CADPS: variants seen among roughly 807,000 people sequenced by gnomAD.
CADPS encodes calcium dependent secretion activator.
CADPS carries 57 observed loss-of-function variants against 167.3 expected under a neutral mutation model. The observed-to-expected ratio is 0.34, with a 90% CI of 0.28 to 0.42. CADPS has a LOEUF of 0.42. Among genes scored for constraint, CADPS ranks in the 20% least tolerant of loss-of-function variants. CADPS has a pLI of 1.00. For missense variants in CADPS, 1,414 were observed against 1,738.1 expected, an observed-to-expected ratio of 0.81 and a Z score of 3.32; for synonymous variants, 676 against 635.3, an observed-to-expected ratio of 1.06 and a Z score of -0.96.
At chr3:62,453,671 G>C (rs927244692) in intron 26 of CADPS, among the ~76,000 whole-genome samples, 2 of 152,254 alleles carry the variant, frequency 1.3e-5, no homozygotes, top group African/African-American at 4.8e-5. Context: ...GCAAACCTCA[G>C]TGGCTTCTGC....
chr3:62,701,072 A>G (rs1030070690), intron 3 of CADPS, among the ~76,000 whole-genome samples: 1 of 152,066 alleles, frequency 6.6e-6, no homozygotes, highest in Non-Finnish European at 1.5e-5. Context: ...TGAGGGCTCT[A>G]TTCTTATGAC....
In CADPS at chr3:62,862,840, T is replaced by C. The variant is rs370000189; in HGVS notation, c.441+11749A>G. Among the ~76,000 whole-genome samples, 15 of 152,360 alleles carry C rather than the reference T, an allele frequency of 9.8e-5. No homozygotes were observed. The South Asian group carries it at 1.0e-3, about 11-fold the overall frequency. On this transcript the variant is annotated intron_variant, in intron 1 of 29. Transcript: ENST00000383710. ...ACAGTGCAATGGGAGGAAGCCCTAG[T>C]TGCAGTTAAGTGGCCCAGGTTGGTG... is the stretch of plus-strand genomic sequence containing the variant.
intron 28 of CADPS, among the ~76,000 whole-genome samples, chr3:62,435,844 T>C (rs1385630200): frequency 1.3e-5 from 2 of 152,154 alleles, no homozygotes; most frequent in African/African-American, 4.8e-5. Context: ...TATTTTATGC[T>C]GGTCAGTGGA....
In CADPS at chr3:62,815,222, A is replaced by G. The variant is rs116467647; in HGVS notation, c.442-49238T>C. On this transcript the variant is annotated intron_variant, in intron 1 of 29. Coordinates refer to ENST00000383710, the MANE Select transcript of CADPS (RefSeq NM_003716.4). ...GGAAACAACCAAAATGCCCATCAGC[A>G]GTAGAATGGGTGAAATATTGTGTGA... Among the ~76,000 whole-genome samples, 876 of 152,228 alleles carry G rather than the reference A, an allele frequency of 5.8e-3. 11 individuals are homozygous for G. The highest frequency in any genetic ancestry group is 0.017 in the African/African-American group (700 of 41,546).
chr3:62,611,147 C>T (rs2061449884), intron 6 of CADPS, among the ~76,000 whole-genome samples: 1 of 152,122 alleles, frequency 6.6e-6, no homozygotes, highest in Non-Finnish European at 1.5e-5. Flanking sequence ...CCACATAACA[C>T]TCGGCTTCTG....
In CADPS at chr3:62,645,828, C is replaced by A. The variant is rs776799903; in HGVS notation, c.1219G>T (p.Val407Phe). 6.2e-7 allele frequency: 1 copy of A among 1,614,060 alleles called. No individual in the cohort carries two copies. The highest frequency in any genetic ancestry group is 8.5e-7 in the Non-Finnish European group (1 of 1,179,952). ...GGAGCCAAAGATTTGAGGCCTTGGA[C>A]TTCCATAATTACCACCTGAAAAGAG... ...SFSLEVVIME[V>F]QGLKSLAPNR... is the part of the protein sequence containing the mutation. Residue 407 changes from valine to phenylalanine, a missense_variant, in exon 6 of 30, where the codon GTC becomes TTC. This residue lies in a region of CADPS where 522 missense variants were observed against 559.5 expected (regional missense o/e 0.93). Coordinates refer to ENST00000383710, the MANE Select transcript of CADPS (RefSeq NM_003716.4).
intron 9 of CADPS, among the ~76,000 whole-genome samples, chr3:62,559,793 C>G (rs925380488): frequency 6.6e-6 from 1 of 152,016 alleles, no homozygotes; most frequent in Non-Finnish European, 1.5e-5. Flanking sequence ...CATGCCCAGC[C>G]GGATTTTTTT....
chr3:62,425,273 C>T (rs1057014483), intron 28 of CADPS, among the ~76,000 whole-genome samples: 1 of 151,840 alleles, frequency 6.6e-6, no homozygotes, highest in African/African-American at 2.4e-5. Flanking sequence ...TATGGGGGGG[C>T]TGTCTTGTTC....
At chr3:62,843,045 T>G (rs1012115286) in intron 1 of CADPS, among the ~76,000 whole-genome samples, 1 of 150,642 alleles carries the variant, frequency 6.6e-6, no homozygotes, top group African/African-American at 2.4e-5. Flanking sequence ...TCAAATTTAG[T>G]GGCACTATCA....
intron 26 of CADPS, among the ~76,000 whole-genome samples, chr3:62,460,846 C>G (rs1315806098): frequency 6.6e-6 from 1 of 152,160 alleles, no homozygotes; most frequent in Non-Finnish European, 1.5e-5. Flanking sequence ...AGGTTTCAGG[C>G]CCTTGACAGC....
chr3:62,536,298 A>T (rs2074676448), intron 12 of CADPS, 147 bp downstream of exon 12: 1 of 691,020 alleles, frequency 1.4e-6, no homozygotes, highest in Non-Finnish European at 2.3e-6. Flanking sequence ...AAGTAAAACT[A>T]TCTCAACCCA....
intron 6 of CADPS, among the ~76,000 whole-genome samples, chr3:62,596,685 G>T (rs2058989903): frequency 6.6e-6 from 1 of 152,160 alleles, no homozygotes; most frequent in South Asian, 2.1e-4. Context: ...GAGAACACTA[G>T]AAATCAGTCC....
rs554243497 is a variant in CADPS at position 62,788,111 on chromosome 3, C to T, written c.442-22127G>A. 1.3e-4 allele frequency among the ~76,000 whole-genome samples: 20 copies of T among 152,220 alleles called. No individual in the cohort carries two copies. In the South Asian group the frequency reaches 1.9e-3, roughly 14 times the overall value. On this transcript the variant is annotated intron_variant, in intron 1 of 29. Coordinates refer to ENST00000383710, the MANE Select transcript of CADPS (RefSeq NM_003716.4). Reference sequence around the variant, plus strand: ...ACTAGGTCAGATGTCCCTCAAGGCCCGCTTGAATGATGTGATATGAACACA... The same window carrying T: ...ACTAGGTCAGATGTCCCTCAAGGCCTGCTTGAATGATGTGATATGAACACA...
At chr3:62,729,264 C>G (rs769873629) in intron 3 of CADPS, among the ~76,000 whole-genome samples, 26 of 151,810 alleles carry the variant, frequency 1.7e-4, no homozygotes, top group Non-Finnish European at 3.4e-4. Flanking sequence ...GCATGATCAC[C>G]CTCATAATGG....
At chr3:62,632,729 A>G (rs1034558905) in intron 6 of CADPS, among the ~76,000 whole-genome samples, 1 of 152,174 alleles carries the variant, frequency 6.6e-6, no homozygotes, top group African/African-American at 2.4e-5. Context: ...AATCTGACTT[A>G]TAAACCAAGC....
chr3:62,822,382 A>G (rs2073141066), intron 1 of CADPS, among the ~76,000 whole-genome samples: 1 of 152,210 alleles, frequency 6.6e-6, no homozygotes, highest in Non-Finnish European at 1.5e-5. Context: ...TAGAGAATAA[A>G]TGCATGTTAT....
chr3:62,492,487 G>A (rs755383685), intron 19 of CADPS, 41 bp from the exon 20 acceptor site: 17 of 1,579,920 alleles, frequency 1.1e-5, no homozygotes, highest in Non-Finnish European at 1.4e-5. Flanking sequence ...AAGAAGTGAT[G>A]AGCTTCTTTC....
intron 26 of CADPS, among the ~76,000 whole-genome samples, chr3:62,456,654 C>T (rs2058711762): frequency 6.6e-6 from 1 of 151,838 alleles, no homozygotes; most frequent in Admixed American, 6.6e-5. Flanking sequence ...CCAGTAGCAT[C>T]TGAGGTCCCA....
At chr3:62,801,116 T>C (rs2093735936) in intron 1 of CADPS, among the ~76,000 whole-genome samples, 1 of 152,158 alleles carries the variant, frequency 6.6e-6, no homozygotes, top group Non-Finnish European at 1.5e-5. Flanking sequence ...GTGGGCATTA[T>C]ACCACAAACC....
Sources: gnomAD v4.1 joint callset for allele counts (sites outside exome capture counted in the v4.1 genomes callset) on GRCh38, gnomAD v4.1.1 for gene constraint, gnomAD v4.1.1 regional missense constraint, MANE v1.5 for transcripts, NCBI Gene and HGNC (gene_info 2026-07-23, HGNC 2026-07-21) for gene names.